ZNF486: variants seen among roughly 807,000 people sequenced by gnomAD.
ZNF486 encodes the protein zinc finger protein 486.
In ZNF486, 12 loss-of-function variants were observed where a neutral mutation model predicts 12.8. The observed-to-expected ratio is 0.94, with a 90% CI of 0.60 to 1.52. The LOEUF is 1.52. Among genes scored for constraint, ZNF486 ranks in the 40% most tolerant of loss-of-function variants. The pLI is 0.00. For missense variants in ZNF486, 738 were observed against 545.0 expected (o/e 1.35, Z -3.53); for synonymous variants, 231 against 184.9 (o/e 1.25, Z -2.02).
At chr19:20,169,229 C>T (rs2089619406) in intron 1 of ZNF486, among the ~76,000 whole-genome samples, 1 of 152,290 alleles carries the variant, frequency 6.6e-6, no homozygotes, top group Non-Finnish European at 1.5e-5. Context: ...ATTTTCCTAC[C>T]TCAGCCTCTG....
chr19:20,168,011 G>A (rs2089603766), intron 1 of ZNF486, among the ~76,000 whole-genome samples: 1 of 151,742 alleles, frequency 6.6e-6, no homozygotes, highest in African/African-American at 2.4e-5. Flanking sequence ...TAGATTGTGC[G>A]GTCTGACCCC....
chr19:20,191,002 G>A (rs1319392195), intron 3 of ZNF486, among the ~76,000 whole-genome samples: 1 of 152,122 alleles, frequency 6.6e-6, no homozygotes, highest in African/African-American at 2.4e-5. Flanking sequence ...TTCATTAAAA[G>A]AACCTGGATC....
intron 3 of ZNF486, among the ~76,000 whole-genome samples, chr19:20,190,520 G>T (rs542634193): frequency 2.0e-5 from 3 of 152,262 alleles, no homozygotes; most frequent in Non-Finnish European, 2.9e-5. Context: ...GACCAGCTTG[G>T]ACTACAGACA....
intron 1 of ZNF486, among the ~76,000 whole-genome samples, chr19:20,167,769 G>T (rs563061567): frequency 6.1e-4 from 93 of 152,266 alleles, no homozygotes; most frequent in African/African-American, 2.1e-3. Flanking sequence ...GGGGCCGGGC[G>T]CGGTGGTTGA....
chr19:20,185,606 C>G (rs1399755970), intron 2 of ZNF486, among the ~76,000 whole-genome samples: 2 of 151,442 alleles, frequency 1.3e-5, no homozygotes, highest in Non-Finnish European at 2.9e-5. Flanking sequence ...AATGGGGTTT[C>G]ACCATGTTGG....
At chr19:20,184,713 G>A (rs2089823777) in intron 2 of ZNF486, among the ~76,000 whole-genome samples, 1 of 152,092 alleles carries the variant, frequency 6.6e-6, no homozygotes. Flanking sequence ...TAAATTAGTG[G>A]TAATTTCAGA....
chr19:20,183,032 G>C (rs1401287926), intron 1 of ZNF486, among the ~76,000 whole-genome samples: 1 of 152,088 alleles, frequency 6.6e-6, no homozygotes, highest in Non-Finnish European at 1.5e-5. Context: ...TTCCCTCCCT[G>C]AGTTTGGTTT....
intron 2 of ZNF486, 113 bp downstream of exon 2, chr19:20,184,595 T>C (rs1452087149): frequency 2.1e-5 from 25 of 1,175,096 alleles, no homozygotes; most frequent in Non-Finnish European, 2.9e-5. Context: ...CAGATGTCCT[T>C]TTTCCAGAAA....
intron 1 of ZNF486, among the ~76,000 whole-genome samples, chr19:20,172,579 A>G (rs1262730466): frequency 6.6e-6 from 1 of 151,694 alleles, no homozygotes; most frequent in Non-Finnish European, 1.5e-5. Context: ...GATTACATGC[A>G]TGAGCCACCA....
chr19:20,197,868 C>T lies in ZNF486; in HGVS notation c.1158C>T (p.Ala386=). 2.5e-6 allele frequency: 4 copies of T among 1,612,506 alleles called. No individual in the cohort carries two copies. The highest frequency in any genetic ancestry group is 3.4e-6 in the Non-Finnish European group (4 of 1,179,660). ...ACAAATGTGAAGAATGTGGCAAAGC[C>T]TTTACATGGTCTGCAGGCCTCCATA... ...KPYKCEECGK[A]FTWSAGLHKH... is the part of the protein sequence containing the mutation. Residue 386 remains alanine (A), a synonymous_variant, in exon 4 of 4, where the codon GCC becomes GCT. Coordinates refer to ENST00000335117, the MANE Select transcript of ZNF486 (RefSeq NM_052852.4).
intron 3 of ZNF486, among the ~76,000 whole-genome samples, chr19:20,187,575 C>T (rs570325356): frequency 2.0e-5 from 3 of 148,356 alleles, no homozygotes; most frequent in East Asian, 4.0e-4. Flanking sequence ...AGTCTCAGCT[C>T]ACTGCAACCT....
intron 3 of ZNF486, among the ~76,000 whole-genome samples, chr19:20,187,320 T>C (rs1174979052): frequency 6.6e-6 from 1 of 152,072 alleles, no homozygotes; most frequent in African/African-American, 2.4e-5. Context: ...TACAAGATTA[T>C]ACGATCTACA....
At chr19:20,177,842 C>G (rs1209631115) in intron 1 of ZNF486, among the ~76,000 whole-genome samples, 2 of 151,788 alleles carry the variant, frequency 1.3e-5, no homozygotes, top group African/African-American at 4.8e-5. Flanking sequence ...TCCCAAAGTG[C>G]TGGGATTACA....
chr19:20,167,439 C>G (rs1280309807), intron 1 of ZNF486, 79 bp downstream of exon 1: 2 of 1,514,134 alleles, frequency 1.3e-6, no homozygotes, highest in Non-Finnish European at 1.8e-6. Flanking sequence ...CTCAGGCCTC[C>G]CCGTAGTCAG....
At chr19:20,189,526 C>T (rs1042287915) in intron 3 of ZNF486, among the ~76,000 whole-genome samples, 6 of 151,986 alleles carry the variant, frequency 3.9e-5, no homozygotes, top group Non-Finnish European at 7.4e-5. Context: ...TTTACAGTGG[C>T]CATTCTAATG....
intron 2 of ZNF486, among the ~76,000 whole-genome samples, chr19:20,185,693 C>T (rs2089834947): frequency 6.6e-6 from 1 of 151,446 alleles, no homozygotes; most frequent in Admixed American, 6.6e-5. Context: ...GAGGTGTGAG[C>T]CACTGCAACT....
intron 1 of ZNF486, among the ~76,000 whole-genome samples, chr19:20,179,800 TGA>T (rs1423566475): frequency 6.6e-6 from 1 of 152,238 alleles, no homozygotes; most frequent in Non-Finnish European, 1.5e-5. Flanking sequence ...TACAGTGATG[TGA>T]GAGGCTCCAG....
In ZNF486 at chr19:20,198,835, T is replaced by G. The variant is rs538939543; in HGVS notation, c.*733T>G. 6.6e-6 allele frequency: 1 copy of G among 152,410 alleles called. No individual in the cohort carries two copies. Among genetic ancestry groups the G allele is most frequent in the South Asian group, 2.1e-4 (1 of 4,828 alleles). The allele number at this position is 152,410 out of a possible 1,614,324, so 9.4% of individuals were successfully genotyped here. A position where few individuals can be genotyped will look rare whatever the true frequency, so the allele number is the denominator to read the frequency against. On this transcript the variant is annotated 3_prime_UTR_variant, in exon 4 of 4. Transcript: ENST00000335117. ...CAATTCCCAGCCATAAGCTCTTAAT[T>G]CTTAAGAGACATGGCGATAATTCAT...
intron 3 of ZNF486, among the ~76,000 whole-genome samples, chr19:20,190,068 T>C (rs1426719096): frequency 6.6e-6 from 1 of 152,242 alleles, no homozygotes; most frequent in Admixed American, 6.5e-5. Context: ...CTTTTCTCTA[T>C]TTTGTACTCA....
Sources: allele counts gnomAD v4.1 joint callset (sites outside exome capture counted in the v4.1 genomes callset), GRCh38; gene constraint gnomAD v4.1.1; transcripts MANE v1.5; gene names NCBI Gene and HGNC (gene_info 2026-07-23, HGNC 2026-07-21).